Variants in TRAF3 observed in about 807,000 individuals in gnomAD.
The protein encoded by TRAF3 is TNF receptor-associated factor 3.
A neutral mutation model predicts 62.3 loss-of-function variants in TRAF3; 13 were observed. The observed-to-expected ratio is 0.21, with a 90% CI of 0.14 to 0.33. The LOEUF is 0.33. TRAF3 is among the 10% of genes least tolerant of loss of function. The pLI is 1.00. For synonymous variants in TRAF3, 269 were observed against 283.4 expected, an observed-to-expected ratio of 0.95 and a Z score of 0.51; for missense variants, 440 against 741.8, an observed-to-expected ratio of 0.59 and a Z score of 4.73.
chr14:102,880,044 A>T (rs912698155), intron 6 of TRAF3, among the ~76,000 whole-genome samples: 11 of 152,198 alleles, frequency 7.2e-5, no homozygotes, highest in African/African-American at 2.2e-4. Flanking sequence ...TGAGCCAGGG[A>T]GTTTGAGACT....
intron 1 of TRAF3, among the ~76,000 whole-genome samples, chr14:102,800,933 C>T (rs1898369774): frequency 6.6e-6 from 1 of 151,926 alleles, no homozygotes; most frequent in Non-Finnish European, 1.5e-5. Flanking sequence ...AATCCCAGCA[C>T]TTTGGGAGGC....
At chr14:102,893,838 C>T (rs1042615714) in intron 9 of TRAF3, among the ~76,000 whole-genome samples, 2 of 152,178 alleles carry the variant, frequency 1.3e-5, no homozygotes, top group African/African-American at 2.4e-5. Context: ...CGGCTCTGCA[C>T]GTTCTCATTG....
intron 2 of TRAF3, among the ~76,000 whole-genome samples, chr14:102,847,917 C>T (rs1184672769): frequency 6.6e-6 from 1 of 151,954 alleles, no homozygotes; most frequent in East Asian, 1.9e-4. Flanking sequence ...TAATAGACGT[C>T]ATACCTCATG....
chr14:102,826,035 G>T lies in TRAF3; in HGVS notation c.-156-4299G>T, dbSNP rs763095190. Among the ~76,000 whole-genome samples, 3 of 152,226 alleles carry T rather than the reference G, an allele frequency of 2.0e-5. No homozygotes were observed. Among genetic ancestry groups the T allele is most frequent in the Non-Finnish European group, 4.4e-5 (3 of 68,034 alleles). On this transcript the variant is annotated intron_variant, in intron 1 of 11. Coordinates refer to ENST00000392745, the MANE Select transcript of TRAF3 (RefSeq NM_145725.3). The surrounding 1 kb of genome is among the most constrained non-coding windows in gnomAD (Gnocchi z 4.6). ...ATATCTCACAGTAAGAGGGAAGGAT[G>T]GGGGAGGAAGACTGCTGTATTTCCT...
At chr14:102,840,959 T>C (rs937626858) in intron 2 of TRAF3, among the ~76,000 whole-genome samples, 1 of 152,174 alleles carries the variant, frequency 6.6e-6, no homozygotes, top group Non-Finnish European at 1.5e-5. Context: ...ATAGTAACCA[T>C]TGTAGGTTTT....
Position 102,826,748 on chromosome 14 carries a change from A to G in TRAF3, c.-156-3586A>G, listed in dbSNP as rs1190983840. The stretch of plus-strand genomic sequence containing the variant: ...CAGGGTCCGGCTGGGCTCTGGACAT[A>G]GGGTGGAAGAAAACCATCTGAGCAG... On this transcript the variant is annotated intron_variant, in intron 1 of 11. Coordinates refer to ENST00000392745, the MANE Select transcript of TRAF3 (RefSeq NM_145725.3). This position sits in a 1 kb window ranked among gnomAD's most constrained non-coding sequence, Gnocchi z 4.6. 6.6e-6 allele frequency among the ~76,000 whole-genome samples: 1 copy of G among 152,136 alleles called. No individual in the cohort carries two copies. The highest frequency in any genetic ancestry group is 2.4e-5 in the African/African-American group (1 of 41,438).
At position 102,791,051 on chromosome 14, in the gene TRAF3, G is replaced by A. The variant is rs369201341; in HGVS notation, c.-157+13376G>A. On this transcript the variant is annotated intron_variant, in intron 1 of 11. Coordinates refer to ENST00000392745, the MANE Select transcript of TRAF3 (RefSeq NM_145725.3). ...TTTTTTTTTTTCGAGAGGGAGTCTC[G>A]CTCTGTTCCCCAGGCTGGAGTGTAG... Among the ~76,000 whole-genome samples, 4 of 144,562 alleles carry A rather than the reference G, an allele frequency of 2.8e-5. No individual in the cohort carries two copies. In the South Asian group the frequency reaches 8.8e-4, roughly 32 times the overall value. The allele number at this position is 144,562 out of a possible 152,430, so 94.8% of individuals were successfully genotyped here. A position where few individuals can be genotyped will look rare whatever the true frequency, so the allele number is the denominator to read the frequency against.
At chr14:102,901,937 G>T (rs1425355887) in intron 10 of TRAF3, among the ~76,000 whole-genome samples, 1 of 152,206 alleles carries the variant, frequency 6.6e-6, no homozygotes, top group Non-Finnish European at 1.5e-5. Flanking sequence ...GCTGCATTGA[G>T]CACTGAACTC....
At chr14:102,895,845 TGGGTTGCAGG>T in intron 9 of TRAF3, among the ~76,000 whole-genome samples, 1 of 152,290 alleles carries the variant, frequency 6.6e-6, no homozygotes, top group Non-Finnish European at 1.5e-5. Context: ...TTGGCTGATG[TGGGTTGCAGG>T]GGCTCTTCTG....
At chr14:102,804,288 C>T (rs1292069471) in intron 1 of TRAF3, among the ~76,000 whole-genome samples, 1 of 152,154 alleles carries the variant, frequency 6.6e-6, no homozygotes, top group Non-Finnish European at 1.5e-5. Flanking sequence ...CTTCAGTTCT[C>T]TGGAGCGTTC....
At chr14:102,801,493 GA>G (rs1007681883) in intron 1 of TRAF3, among the ~76,000 whole-genome samples, 3 of 152,040 alleles carry the variant, frequency 2.0e-5, no homozygotes, top group African/African-American at 7.2e-5. Context: ...GGTATGTGTA[GA>G]AAACTCTTGG....
intron 6 of TRAF3, among the ~76,000 whole-genome samples, chr14:102,879,507 C>T (rs900428024): frequency 2.6e-5 from 4 of 152,044 alleles, no homozygotes; most frequent in Non-Finnish European, 5.9e-5. Context: ...CATCTGCCCA[C>T]CTCAGCCTCC....
chr14:102,910,339 A>G lies in TRAF3; in HGVS notation c.*4555A>G, dbSNP rs1169112769. 1 of 152,258 alleles carries G rather than the reference A, an allele frequency of 6.6e-6. No individual in the cohort carries two copies. The highest frequency in any genetic ancestry group is 6.5e-5 in the Admixed American group (1 of 15,278). 9.4% of individuals were successfully genotyped at this position (152,258 alleles called of 1,614,324 possible). On this transcript the variant is annotated 3_prime_UTR_variant, in exon 12 of 12. Coordinates refer to ENST00000392745, the MANE Select transcript of TRAF3 (RefSeq NM_145725.3). ...GTGGGGGAAGCCCCCTTGCTTTTGT[A>G]TCTGTGAGGTGAATGAGGGTCTGTC...
chr14:102,891,437 G>T lies in TRAF3; in HGVS notation c.819+20G>T. 3 of 1,599,546 alleles carry T rather than the reference G, an allele frequency of 1.9e-6. No individual in the cohort carries two copies. The highest frequency in any genetic ancestry group is 1.3e-5 in the African/African-American group (1 of 74,628). On this transcript the variant is annotated intron_variant, in intron 9 of 11. Coordinates refer to ENST00000392745, the MANE Select transcript of TRAF3 (RefSeq NM_145725.3). ...AAGAAGGTGGGCTGCACACTTTCCTGCTGCTATGGGATTTGTATCATCTCT... is the reference window on the plus strand; with the variant it reads ...AAGAAGGTGGGCTGCACACTTTCCTTCTGCTATGGGATTTGTATCATCTCT...
intron 2 of TRAF3, among the ~76,000 whole-genome samples, chr14:102,834,947 A>T (rs1409590146): frequency 6.6e-6 from 1 of 152,198 alleles, no homozygotes; most frequent in Non-Finnish European, 1.5e-5. Context: ...GAAATTATCG[A>T]CAGAGTAAAC....
At chr14:102,881,927 A>T (rs184065004) in intron 6 of TRAF3, among the ~76,000 whole-genome samples, 98 of 152,344 alleles carry the variant, frequency 6.4e-4, no homozygotes, top group Non-Finnish European at 1.3e-3. Context: ...AGGTTTAAGC[A>T]CAAGCATATA....
At chr14:102,902,161 C>G (rs1595413234) in intron 10 of TRAF3, among the ~76,000 whole-genome samples, 1 of 152,254 alleles carries the variant, frequency 6.6e-6, no homozygotes, top group Non-Finnish European at 1.5e-5. Flanking sequence ...AATGAAGTAG[C>G]ATAAAGTCAG....
chr14:102,849,411 G>A (rs1422022589), intron 2 of TRAF3, among the ~76,000 whole-genome samples: 1 of 152,216 alleles, frequency 6.6e-6, no homozygotes, highest in Non-Finnish European at 1.5e-5. Flanking sequence ...TCTGGTCGTG[G>A]GCCAAAAGAG....
intron 1 of TRAF3, among the ~76,000 whole-genome samples, chr14:102,805,990 G>A (rs1455501301): frequency 8.0e-6 from 1 of 125,254 alleles, no homozygotes; most frequent in African/African-American, 3.0e-5. Context: ...TGGGACAGTG[G>A]TTCTCATCCA....
Sources: allele counts gnomAD v4.1 joint callset (sites outside exome capture counted in the v4.1 genomes callset), GRCh38; gene constraint gnomAD v4.1.1; non-coding constraint Gnocchi (gnomAD v3.1); transcripts MANE v1.5; gene names NCBI Gene and HGNC (gene_info 2026-07-23, HGNC 2026-07-21).